The following ITGA9 variants were observed in gnomAD, a reference collection of about 807,000 sequenced individuals.
ITGA9 encodes integrin subunit alpha 9.
Under a neutral mutation model 127.8 loss-of-function variants are expected in ITGA9, and 56 were observed. The observed-to-expected ratio is 0.44, with a 90% CI of 0.35 to 0.55. ITGA9 has a LOEUF of 0.55. Ranked by LOEUF, ITGA9 falls within the 20% of genes least tolerant of loss-of-function variation. The probability of loss-of-function intolerance (pLI) is 0.00; values close to 1 mark genes in which losing one functional copy is unlikely to be tolerated. For synonymous variants in ITGA9, 508 were observed against 514.5 expected, an observed-to-expected ratio of 0.99 and a Z score of 0.17; for missense variants, 1,196 against 1,347.1, an observed-to-expected ratio of 0.89 and a Z score of 1.76.
chr3:37,519,298 G>A lies in ITGA9; in HGVS notation c.1180G>A (p.Gly394Arg). Reference protein sequence around the residue: ...IGAPKEDDFAGAVYIYHGDAG... With the variant: ...IGAPKEDDFARAVYIYHGDAG... ...TGCACCCAAGGAGGATGACTTCGCA[G>A]GGGCGGTCTATATCTATCATGGTGA... Residue 394 changes from glycine to arginine, a missense_variant, in exon 11 of 28, where the codon GGG becomes AGG. Physicochemically the swap from Gly to Arg is moderately radical, Grantham distance 125. Transcript: ENST00000264741. The A allele has an allele frequency of 6.2e-7, 1 of 1,614,158 alleles. No homozygotes were observed. The highest frequency in any genetic ancestry group is 8.5e-7 in the Non-Finnish European group (1 of 1,180,012).
Position 37,823,076 on chromosome 3 carries a change from G to T in ITGA9, c.*4087G>T, listed in dbSNP as rs1417444654. On this transcript the variant is annotated 3_prime_UTR_variant, in exon 28 of 28. Transcript: ENST00000264741. Reference sequence around the variant, plus strand: ...TGAAGGGAGAATACAGAGCCAGTAGGGCCAAAATGAAACTTCTAGGATGTC... The same window carrying T: ...TGAAGGGAGAATACAGAGCCAGTAGTGCCAAAATGAAACTTCTAGGATGTC... 3 of 152,110 alleles carry T rather than the reference G, an allele frequency of 2.0e-5. No homozygotes were observed. Among genetic ancestry groups the T allele is most frequent in the African/African-American group, 7.2e-5 (3 of 41,420 alleles). The allele number at this position is 152,110 out of a possible 1,614,324, so 9.4% of individuals were successfully genotyped here. A position where few individuals can be genotyped will look rare whatever the true frequency, so the allele number is the denominator to read the frequency against.
intron 22 of ITGA9, among the ~76,000 whole-genome samples, chr3:37,749,977 A>G (rs1696560955): frequency 6.6e-6 from 1 of 152,154 alleles, no homozygotes; most frequent in African/African-American, 2.4e-5. Flanking sequence ...GGACCATGTT[A>G]TAAATATGAA....
At chr3:37,528,519 G>A (rs974835902) in intron 13 of ITGA9, among the ~76,000 whole-genome samples, 8 of 152,054 alleles carry the variant, frequency 5.3e-5, no homozygotes, top group African/African-American at 1.9e-4. Flanking sequence ...AGGATGTTGT[G>A]GTCACAATAA....
At chr3:37,507,503 T>C (rs1698857676) in intron 7 of ITGA9, among the ~76,000 whole-genome samples, 1 of 152,164 alleles carries the variant, frequency 6.6e-6, no homozygotes, top group Admixed American at 6.5e-5. Flanking sequence ...AGATGACCCC[T>C]CCGCAAACCC....
At chr3:37,627,838 A>G (rs1160429479) in intron 15 of ITGA9, among the ~76,000 whole-genome samples, 1 of 152,202 alleles carries the variant, frequency 6.6e-6, no homozygotes, top group Non-Finnish European at 1.5e-5. Flanking sequence ...AATATATGCT[A>G]AGTGACTAAA....
intron 1 of ITGA9, among the ~76,000 whole-genome samples, chr3:37,458,776 T>C (rs979546940): frequency 1.3e-5 from 2 of 152,310 alleles, no homozygotes; most frequent in Non-Finnish European, 1.5e-5. Flanking sequence ...AGTAGGGCCA[T>C]TGGGACTGGC....
At chr3:37,671,610 T>G (rs1235397695) in intron 17 of ITGA9, among the ~76,000 whole-genome samples, 2 of 152,200 alleles carry the variant, frequency 1.3e-5, no homozygotes, top group African/African-American at 4.8e-5. Context: ...CCCAGGTGGG[T>G]ACCTATGAGG....
intron 19 of ITGA9, among the ~76,000 whole-genome samples, chr3:37,735,453 A>G (rs1283452068): frequency 6.6e-6 from 1 of 152,182 alleles, no homozygotes; most frequent in African/African-American, 2.4e-5. Context: ...CTTTCAGGAA[A>G]CATTCAGTAG....
In ITGA9 at chr3:37,593,485, A is replaced by G. The variant is rs1699840047; in HGVS notation, c.1690-35702A>G. ...GAAAGCCCACAATCAAGGTGCCAGC[A>G]TAGTTGGTGTGTGGTGTGGGCTCTC... On this transcript the variant is annotated intron_variant, in intron 15 of 27. Transcript: ENST00000264741. Among the ~76,000 whole-genome samples, 8 of 152,336 alleles carry G rather than the reference A, an allele frequency of 5.3e-5. No individual in the cohort carries two copies. In the South Asian group the frequency reaches 1.7e-3, roughly 32 times the overall value.
intron 5 of ITGA9, among the ~76,000 whole-genome samples, chr3:37,498,913 C>G (rs937977680): frequency 3.3e-5 from 5 of 152,264 alleles, no homozygotes; most frequent in Admixed American, 6.5e-5. Flanking sequence ...GACTCCCCTC[C>G]TCTGCCCTCT....
At chr3:37,589,822 G>C (rs371905529) in intron 15 of ITGA9, among the ~76,000 whole-genome samples, 1 of 152,150 alleles carries the variant, frequency 6.6e-6, no homozygotes, top group East Asian at 1.9e-4. Context: ...TGACCGTGTA[G>C]GGCCTAGTAG....
rs145062473 is a variant in ITGA9 at position 37,506,034 on chromosome 3, G to T, written c.777G>T (p.Pro259=). The T allele has an allele frequency of 1.9e-6, 3 of 1,609,878 alleles. No individual in the cohort carries two copies. In the East Asian group the frequency reaches 6.7e-5, roughly 36 times the overall value. Residue 259 remains proline (P), a synonymous_variant, in exon 7 of 28, where the codon CCG becomes CCT. Coordinates refer to ENST00000264741, the MANE Select transcript of ITGA9 (RefSeq NM_002207.3). ...TGACCGCTGGCCACTTCTCTCACCC[G>T]TCCACCATTGATGTGGTAGGAGGTG... ...YAVTAGHFSH[P]STIDVVGGAP... is the part of the protein sequence containing the mutation.
chr3:37,695,564 C>T (rs1353267872), intron 18 of ITGA9, among the ~76,000 whole-genome samples: 2 of 152,208 alleles, frequency 1.3e-5, no homozygotes, highest in African/African-American at 4.8e-5. Flanking sequence ...GGCTACAGTC[C>T]GTCACCATCC....
intron 11 of ITGA9, among the ~76,000 whole-genome samples, chr3:37,522,505 C>T (rs1221925402): frequency 2.6e-5 from 4 of 152,036 alleles, no homozygotes; most frequent in South Asian, 2.1e-4. Context: ...GCAGGAACAT[C>T]GTTTGAGGCT....
At chr3:37,529,823 T>C (rs1027789284) in intron 13 of ITGA9, among the ~76,000 whole-genome samples, 15 of 152,070 alleles carry the variant, frequency 9.9e-5, no homozygotes, top group Admixed American at 8.5e-4. Context: ...GTGAGAGTGA[T>C]GGAATCTGGT....
intron 4 of ITGA9, among the ~76,000 whole-genome samples, chr3:37,488,070 CT>C (rs1698628891): frequency 6.6e-6 from 1 of 152,184 alleles, no homozygotes; most frequent in Non-Finnish European, 1.5e-5. Flanking sequence ...AGCAGTTTGT[CT>C]GTCCATGCTT....
At position 37,629,435 on chromosome 3, in the gene ITGA9, A is replaced by T. The variant is rs1387901478; in HGVS notation, c.1839+99A>T. On this transcript the variant is annotated intron_variant, in intron 16 of 27. Coordinates refer to ENST00000264741, the MANE Select transcript of ITGA9 (RefSeq NM_002207.3). The surrounding 1 kb of genome is among the most constrained non-coding windows in gnomAD (Gnocchi z 4.5). ...GAGAGAGCCGTGGGCCTGGCTGCTCAGGAGACCGCAGCCAGGACACACCTC... is the reference window on the plus strand; with the variant it reads ...GAGAGAGCCGTGGGCCTGGCTGCTCTGGAGACCGCAGCCAGGACACACCTC... The T allele has an allele frequency of 7.7e-7, 1 of 1,305,942 alleles. No individual in the cohort carries two copies. Among genetic ancestry groups the T allele is most frequent in the Non-Finnish European group, 1.1e-6 (1 of 923,606 alleles). The allele number at this position is 1,305,942 out of a possible 1,614,324, so 80.9% of individuals were successfully genotyped here.
chr3:37,743,073 G>A (rs1696457975), intron 21 of ITGA9, among the ~76,000 whole-genome samples: 1 of 152,166 alleles, frequency 6.6e-6, no homozygotes, highest in Non-Finnish European at 1.5e-5. Flanking sequence ...AACAGCCCCT[G>A]ATGAAGCCAT....
In ITGA9 at chr3:37,517,593, C is replaced by T. The variant is rs1290578895; in HGVS notation, c.1125C>T (p.Asp375=). The T allele has an allele frequency of 6.3e-7, 1 of 1,584,026 alleles. No individual in the cohort carries two copies. Among genetic ancestry groups the T allele is most frequent in the South Asian group, 1.2e-5 (1 of 86,126 alleles). Reference sequence around the variant, plus strand: ...GCATTGCCAGCCTGGACGATCTGGACAATGATGGGTTCCCAGGTGAGTGAG... The same window carrying T: ...GCATTGCCAGCCTGGACGATCTGGATAATGATGGGTTCCCAGGTGAGTGAG... ...GESIASLDDL[D]NDGFPDVAIG... The change falls in exon 10 of 28, where the codon GAC becomes GAT. Residue 375 remains aspartate (D), a synonymous_variant. Coordinates refer to ENST00000264741, the MANE Select transcript of ITGA9 (RefSeq NM_002207.3).
Sources: allele counts gnomAD v4.1 joint callset (sites outside exome capture counted in the v4.1 genomes callset), GRCh38; gene constraint gnomAD v4.1.1; non-coding constraint Gnocchi (gnomAD v3.1); transcripts MANE v1.5; gene names NCBI Gene and HGNC (gene_info 2026-07-23, HGNC 2026-07-21).